MAP3K4: variants seen among roughly 807,000 people sequenced by gnomAD.
The protein encoded by MAP3K4 is mitogen-activated protein kinase kinase kinase 4, also known as MAP three kinase 1.
In MAP3K4, 67 loss-of-function variants were observed where a neutral mutation model predicts 185.6. The observed-to-expected ratio is 0.36, with a 90% CI of 0.30 to 0.44. The LOEUF (loss-of-function observed/expected upper bound fraction) is 0.44. MAP3K4 is among the 20% of genes least tolerant of loss of function. The probability of loss-of-function intolerance (pLI) is 1.00; values close to 1 mark genes in which losing one functional copy is unlikely to be tolerated. For missense variants in MAP3K4, 1,551 were observed against 1,995.1 expected (o/e 0.78, Z 4.24); for synonymous variants, 702 against 710.4 (o/e 0.99, Z 0.19).
At position 161,067,359 on chromosome 6, in the gene MAP3K4, C is replaced by A; in HGVS notation, c.1708-3249C>A. ...CTGATTAGCTTCCTTATGCATCGAT[C>A]TCAGTGAGCAGAGGGAACAGGATGG... On this transcript the variant is annotated intron_variant, in intron 3 of 26. Coordinates refer to ENST00000392142, the MANE Select transcript of MAP3K4 (RefSeq NM_005922.4). The surrounding 1 kb of genome is among the most constrained non-coding windows in gnomAD (Gnocchi z 6.3). The A allele has an allele frequency of 5.6e-6, 2 of 358,160 alleles. No homozygotes were observed. The allele number at this position is 358,160 out of a possible 1,614,324, so 22.2% of individuals were successfully genotyped here. A position where few individuals can be genotyped will look rare whatever the true frequency, so the allele number is the denominator to read the frequency against.
chr6:161,019,661 G>A (rs1340635984), intron 1 of MAP3K4, among the ~76,000 whole-genome samples: 1 of 152,078 alleles, frequency 6.6e-6, no homozygotes, highest in African/African-American at 2.4e-5. Flanking sequence ...CACCCGCATT[G>A]GCCTTCCTTA....
At position 161,053,758 on chromosome 6, in the gene MAP3K4, A is replaced by AT. The variant is rs1215363586; in HGVS notation, c.1707+3785dup. Among the ~76,000 whole-genome samples, 11 of 151,810 alleles carry AT rather than the reference A, an allele frequency of 7.2e-5. No homozygotes were observed. Among genetic ancestry groups the AT allele is most frequent in the Non-Finnish European group, 1.3e-4 (9 of 67,900 alleles). ...AAGCGTGCACCACCATGCCTGGCTA[A>AT]TTTTTTGTGTTTTTAATAGAGACGG... On this transcript the variant is annotated intron_variant, in intron 3 of 26. Coordinates refer to ENST00000392142, the MANE Select transcript of MAP3K4 (RefSeq NM_005922.4). This position sits in a 1 kb window ranked among gnomAD's most constrained non-coding sequence, Gnocchi z 4.2.
In MAP3K4 at chr6:161,101,811, A is replaced by G; in HGVS notation, c.3675-81A>G. The G allele has an allele frequency of 1.6e-6, 2 of 1,212,242 alleles. No homozygotes were observed. Among genetic ancestry groups the G allele is most frequent in the Non-Finnish European group, 2.4e-6 (2 of 837,086 alleles). 75.1% of individuals were successfully genotyped at this position (1,212,242 alleles called of 1,614,324 possible). A position where few individuals can be genotyped will look rare whatever the true frequency, so the allele number is the denominator to read the frequency against. ...GCAGAGTTGCCCCCAGTTGAGAATT[A>G]TTGCTCTAGAAAAATCTCGCAGATC... is the stretch of plus-strand genomic sequence containing the variant. On this transcript the variant is annotated intron_variant, in intron 17 of 26. Transcript: ENST00000392142. The surrounding 1 kb of genome is among the most constrained non-coding windows in gnomAD (Gnocchi z 5.1).
intron 19 of MAP3K4, 58 bp downstream of exon 19, chr6:161,102,837 T>G: frequency 8.7e-7 from 1 of 1,150,600 alleles, no homozygotes; most frequent in Non-Finnish European, 1.2e-6. Context: ...CGATTACACA[T>G]AAGGGGAGCA....
chr6:161,090,026 T>C (rs537809577), intron 11 of MAP3K4, among the ~76,000 whole-genome samples: 15 of 152,348 alleles, frequency 9.8e-5, no homozygotes, highest in Admixed American at 2.6e-4. Flanking sequence ...TCAGTCTTGA[T>C]CTCATCCACA....
At chr6:161,047,310 C>G (rs1172741634) in intron 2 of MAP3K4, among the ~76,000 whole-genome samples, 1 of 149,290 alleles carries the variant, frequency 6.7e-6, no homozygotes, top group East Asian at 1.9e-4. Context: ...TGTGGTGATG[C>G]GTGCCTGTGG....
chr6:161,002,838 G>A (rs951004767), intron 1 of MAP3K4, among the ~76,000 whole-genome samples: 5 of 151,980 alleles, frequency 3.3e-5, no homozygotes, highest in Non-Finnish European at 7.4e-5. Flanking sequence ...TGATCCACCC[G>A]CCTCAGCCTC....
At position 161,061,077 on chromosome 6, in the gene MAP3K4, A is replaced by G. The variant is rs1037454407; in HGVS notation, c.1708-9531A>G. ...AGTGGGCAGATGAAAACACATACAC[A>G]AAATGCATCACATGTCCTTTCTGAT... On this transcript the variant is annotated intron_variant, in intron 3 of 26. Transcript: ENST00000392142. The surrounding 1 kb of genome is among the most constrained non-coding windows in gnomAD (Gnocchi z 4.2). Among the ~76,000 whole-genome samples the G allele has an allele frequency of 2.0e-5, 3 of 152,224 alleles. No homozygotes were observed. The highest frequency in any genetic ancestry group is 7.2e-5 in the African/African-American group (3 of 41,450).
At position 161,045,242 on chromosome 6, in the gene MAP3K4, GCTT is replaced by G. The variant is rs552308278; in HGVS notation, c.344-3371_344-3369del. 1.4e-4 allele frequency among the ~76,000 whole-genome samples: 22 copies of G among 152,154 alleles called. No individual in the cohort carries two copies. The East Asian group carries it at 3.5e-3, about 24-fold the overall frequency. On this transcript the variant is annotated intron_variant, in intron 2 of 26. Coordinates refer to ENST00000392142, the MANE Select transcript of MAP3K4 (RefSeq NM_005922.4). ...GTTTTGGGGTGGGGGGGAACAAAAA[GCTT>G]CTCTGTCCCATCTTGCTCCTTTCCC...
intron 6 of MAP3K4, among the ~76,000 whole-genome samples, chr6:161,083,924 T>C (rs1785577908): frequency 6.6e-6 from 1 of 152,234 alleles, no homozygotes; most frequent in Non-Finnish European, 1.5e-5. Flanking sequence ...TGCTCTCTGT[T>C]ACTAGATCCT....
intron 25 of MAP3K4, among the ~76,000 whole-genome samples, chr6:161,113,790 CTTTT>C (rs963260228): frequency 1.4e-5 from 1 of 71,074 alleles, no homozygotes; most frequent in Admixed American, 2.2e-4. Context: ...ATATGAGTGA[CTTTT>C]TTTTTTTTTT....
chr6:161,009,912 C>T (rs999212518), intron 1 of MAP3K4, among the ~76,000 whole-genome samples: 32 of 152,052 alleles, frequency 2.1e-4, no homozygotes, highest in Non-Finnish European at 4.1e-4. Flanking sequence ...CTAATGCATG[C>T]TGGGCTTAAT....
In MAP3K4 at chr6:160,992,068, G is replaced by T. The variant is rs942954858; in HGVS notation, c.137G>T (p.Cys46Phe). The T allele has an allele frequency of 1.3e-6, 2 of 1,579,746 alleles. No individual in the cohort carries two copies. The highest frequency in any genetic ancestry group is 1.7e-6 in the Non-Finnish European group (2 of 1,168,740). The change falls in exon 1 of 27, where the codon TGC becomes TTC. Residue 46 changes from cysteine to phenylalanine, a missense_variant. Physicochemically the swap from Cys to Phe is radical, Grantham distance 205. Around this residue, in one of 16 missense-constraint regions of MAP3K4, gnomAD observed 287 missense variants for 268.8 expected, o/e 1.07. Transcript: ENST00000392142. ...PEPETESEPE[C>F]CLAARQEGTL... is the part of the protein sequence containing the mutation. Reference sequence around the variant, plus strand: ...CCCGAGACCGAGTCAGAACCCGAGTGCTGCTTGGCGGCGAGGTGAGTGTGG... The same window carrying T: ...CCCGAGACCGAGTCAGAACCCGAGTTCTGCTTGGCGGCGAGGTGAGTGTGG...
chr6:161,039,459 T>TA (rs751584046), intron 2 of MAP3K4, among the ~76,000 whole-genome samples: 6 of 152,176 alleles, frequency 3.9e-5, no homozygotes, highest in Non-Finnish European at 8.8e-5. Flanking sequence ...TTATTACCTC[T>TA]GTAGGCTCAG....
At position 161,091,376 on chromosome 6, in the gene MAP3K4, C is replaced by T. The variant is rs778454573; in HGVS notation, c.2974-3C>T. 6.2e-7 allele frequency: 1 copy of T among 1,612,068 alleles called. No homozygotes were observed. The highest frequency in any genetic ancestry group is 2.2e-5 in the East Asian group (1 of 44,836). ...TGCATTAATCATGGTTTGGACTCTT[C>T]AGAATGATGCATTGGAGCTATGCAA... On this transcript the variant is annotated splice_region_variant and splice_polypyrimidine_tract_variant and intron_variant, in intron 11 of 26. Transcript: ENST00000392142. The surrounding 1 kb of genome is among the most constrained non-coding windows in gnomAD (Gnocchi z 5.5).
rs1018410963 is a variant in MAP3K4 at position 161,017,582 on chromosome 6, A to T, written c.153-16677A>T. Among the ~76,000 whole-genome samples the T allele has an allele frequency of 6.6e-6, 1 of 152,216 alleles. No individual in the cohort carries two copies. The highest frequency in any genetic ancestry group is 2.4e-5 in the African/African-American group (1 of 41,468). On this transcript the variant is annotated intron_variant, in intron 1 of 26. Transcript: ENST00000392142. The surrounding 1 kb of genome is among the most constrained non-coding windows in gnomAD (Gnocchi z 5.1). Reference sequence around the variant, plus strand: ...AAATCTTTGTGATCTTTTGTAAGTTATAGAAACAGGCCCAAAGAGGTTAAA... The same window carrying T: ...AAATCTTTGTGATCTTTTGTAAGTTTTAGAAACAGGCCCAAAGAGGTTAAA...
intron 13 of MAP3K4, 75 bp from the exon 14 acceptor site, chr6:161,092,903 C>T (rs1777390265): frequency 1.3e-6 from 1 of 798,230 alleles, no homozygotes; most frequent in South Asian, 1.7e-5. Context: ...TGTTACTTTT[C>T]AGTATTGTAC....
At chr6:160,994,208 G>A (rs2115027354) in intron 1 of MAP3K4, among the ~76,000 whole-genome samples, 1 of 151,298 alleles carries the variant, frequency 6.6e-6, no homozygotes, top group East Asian at 1.9e-4. Context: ...GATAAGTTCT[G>A]TAGTGGTGAT....
chr6:161,081,212 G>T (rs544565563), intron 6 of MAP3K4, among the ~76,000 whole-genome samples, 174 bp downstream of exon 6: 30 of 149,658 alleles, frequency 2.0e-4, no homozygotes, highest in Non-Finnish European at 3.8e-4. Flanking sequence ...AGTCAGGGGT[G>T]ATTTTTTCCC....
Sources: gnomAD v4.1 joint callset for allele counts (sites outside exome capture counted in the v4.1 genomes callset) on GRCh38, gnomAD v4.1.1 for gene constraint, gnomAD v4.1.1 regional missense constraint, Gnocchi (gnomAD v3.1) non-coding constraint, MANE v1.5 for transcripts, NCBI Gene and HGNC (gene_info 2026-07-23, HGNC 2026-07-21) for gene names.